PATJ: variants seen among roughly 807,000 people sequenced by gnomAD.
PATJ encodes PATJ crumbs cell polarity complex component.
In PATJ, 190 loss-of-function variants were observed where a neutral mutation model predicts 224.9. That is an observed-to-expected ratio of 0.84 (90% confidence interval 0.75 to 0.95). The LOEUF (loss-of-function observed/expected upper bound fraction) is 0.95, where lower values mean the gene tolerates loss of function less well. Ranked by LOEUF, PATJ falls within the 40% of genes least tolerant of loss-of-function variation. The pLI is 0.00. For synonymous variants in PATJ, 769 were observed against 820.3 expected (o/e 0.94, Z 1.07); for missense variants, 2,121 against 2,270.3 (o/e 0.93, Z 1.34).
intron 20 of PATJ, among the ~76,000 whole-genome samples, chr1:61,869,916 C>T (rs933253834): frequency 4.6e-5 from 7 of 152,218 alleles, no homozygotes; most frequent in African/African-American, 7.2e-5. Context: ...GCAGGCCCAG[C>T]GGCAGCATCT....
chr1:61,944,840 C>T (rs1678409592), intron 27 of PATJ, among the ~76,000 whole-genome samples: 1 of 152,184 alleles, frequency 6.6e-6, no homozygotes, highest in Non-Finnish European at 1.5e-5. Context: ...GGTTGGGTTA[C>T]CCACAAAGGG....
At chr1:61,992,341 C>T (rs976724535) in intron 28 of PATJ, among the ~76,000 whole-genome samples, 3 of 152,126 alleles carry the variant, frequency 2.0e-5, no homozygotes, top group Admixed American at 1.3e-4. Flanking sequence ...TGGTCTCGAA[C>T]TCCCGACCTC....
At chr1:62,006,199 C>T (rs1646086725) in intron 28 of PATJ, among the ~76,000 whole-genome samples, 1 of 152,194 alleles carries the variant, frequency 6.6e-6, no homozygotes, top group Non-Finnish European at 1.5e-5. Context: ...TCTGCAACCT[C>T]CATCTCCCAG....
intron 30 of PATJ, among the ~76,000 whole-genome samples, chr1:62,050,496 G>A (rs1653405038): frequency 6.6e-6 from 1 of 152,188 alleles, no homozygotes. Flanking sequence ...CATTGTCATG[G>A]GACGGTCGTC....
intron 32 of PATJ, among the ~76,000 whole-genome samples, chr1:62,081,171 G>A (rs1260555498): frequency 1.1e-4 from 16 of 152,152 alleles, no homozygotes; most frequent in Non-Finnish European, 8.8e-5. Context: ...TATGGAGGTA[G>A]ACAAGTTGAG....
At chr1:61,879,246 T>TAGGAC (rs1667763123) in intron 21 of PATJ, among the ~76,000 whole-genome samples, 1 of 152,184 alleles carries the variant, frequency 6.6e-6, no homozygotes. Flanking sequence ...ACATAGGCCA[T>TAGGAC]AGGACTCTAT....
chr1:62,099,347 C>CTTTTTTTTTTTTTTTTTTTTTTTTTTT (rs71050197), intron 33 of PATJ, among the ~76,000 whole-genome samples: 1 of 55,676 alleles, frequency 1.8e-5, no homozygotes, highest in African/African-American at 7.8e-5. Flanking sequence ...ATATCTCCAA[C>CTTTTTTTTTTTTTTTTTTTTTTTTTTT]TTTTTTTTTT....
At chr1:61,817,688 T>C (rs909603494) in intron 14 of PATJ, among the ~76,000 whole-genome samples, 2 of 152,224 alleles carry the variant, frequency 1.3e-5, no homozygotes, top group African/African-American at 4.8e-5. Context: ...AATAAAATTT[T>C]GGAAGGGTGA....
chr1:61,887,430 A>T (rs924205887), intron 22 of PATJ, among the ~76,000 whole-genome samples: 2 of 152,224 alleles, frequency 1.3e-5, no homozygotes, highest in South Asian at 2.1e-4. Context: ...ATGAAGTGCT[A>T]ATAAAGTAGG....
chr1:62,116,440 C>CAT (rs1235803127), intron 35 of PATJ, 92 bp from the exon 36 acceptor site: 1 of 1,397,114 alleles, frequency 7.2e-7, no homozygotes, highest in African/African-American at 1.5e-5. Context: ...AAGAAAGGAG[C>CAT]ATATATGTGT....
chr1:61,821,292 G>C (rs1379200140), intron 14 of PATJ, among the ~76,000 whole-genome samples: 2 of 151,884 alleles, frequency 1.3e-5, no homozygotes, highest in Non-Finnish European at 2.9e-5. Flanking sequence ...TGATCCTCCC[G>C]CTCGGCCTCC....
chr1:61,856,382 C>G, intron 18 of PATJ, 143 bp downstream of exon 18: 1 of 650,476 alleles, frequency 1.5e-6, no homozygotes. Flanking sequence ...TCTTAATGTC[C>G]TTGACTTACA....
chr1:61,943,736 G>A (rs1156510818), intron 27 of PATJ, among the ~76,000 whole-genome samples: 2 of 152,320 alleles, frequency 1.3e-5, no homozygotes, highest in African/African-American at 4.8e-5. Context: ...GAAGAGAGTA[G>A]TGGTTCTCCC....
chr1:61,993,616 C>G (rs1385917822), intron 28 of PATJ, among the ~76,000 whole-genome samples: 1 of 151,940 alleles, frequency 6.6e-6, no homozygotes, highest in African/African-American at 2.4e-5. Context: ...ATTAGGAGCT[C>G]TGTGTCAGGA....
intron 26 of PATJ, among the ~76,000 whole-genome samples, chr1:61,924,256 T>C (rs1674784170): frequency 1.3e-5 from 2 of 151,966 alleles, no homozygotes; most frequent in African/African-American, 4.8e-5. Flanking sequence ...TAATCCCAGC[T>C]ACTTGGGAGG....
chr1:61,834,882 C>T (rs576401188), intron 17 of PATJ, among the ~76,000 whole-genome samples: 336 of 152,254 alleles, frequency 2.2e-3, no homozygotes, highest in Non-Finnish European at 3.5e-3. Flanking sequence ...GCGCCTACCA[C>T]TACACCTGGC....
intron 9 of PATJ, among the ~76,000 whole-genome samples, chr1:61,794,963 C>T (rs1650744343): frequency 6.6e-6 from 1 of 151,904 alleles, no homozygotes; most frequent in South Asian, 2.1e-4. Flanking sequence ...GCCTGGGCGA[C>T]AAGAGCAAAA....
intron 1 of PATJ, among the ~76,000 whole-genome samples, chr1:61,756,908 T>C (rs1183974928): frequency 1.3e-5 from 2 of 152,042 alleles, no homozygotes; most frequent in African/African-American, 4.8e-5. Context: ...TTCTGTTGTG[T>C]TCTCATTCCA....
At chr1:62,002,228 G>A (rs924443922) in intron 28 of PATJ, among the ~76,000 whole-genome samples, 1 of 152,084 alleles carries the variant, frequency 6.6e-6, no homozygotes, top group African/African-American at 2.4e-5. Context: ...CCCTTTGTAA[G>A]TCACTGAGTT....
Sources: gnomAD v4.1 joint callset for allele counts (sites outside exome capture counted in the v4.1 genomes callset) on GRCh38, gnomAD v4.1.1 for gene constraint, MANE v1.5 for transcripts, NCBI Gene and HGNC (gene_info 2026-07-23, HGNC 2026-07-21) for gene names.